The following TMEM178B variants were observed in gnomAD, a reference collection of about 807,000 sequenced individuals.
TMEM178B encodes transmembrane protein 178B.
Under a neutral mutation model 31.0 loss-of-function variants are expected in TMEM178B, and 5 were observed. The observed-to-expected ratio is 0.16, with a 90% CI of 0.08 to 0.34. The LOEUF (loss-of-function observed/expected upper bound fraction) is 0.34, where lower values mean the gene tolerates loss of function less well. TMEM178B is among the 10% of genes least tolerant of loss of function. The pLI is 1.00. For synonymous variants in TMEM178B, 164 were observed against 164.0 expected (o/e 1.00, Z 0.00); for missense variants, 275 against 400.3 (o/e 0.69, Z 2.67).
chr7:141,510,671 G>A, the TMEM178B span, among the ~76,000 whole-genome samples: 1 of 67,114 alleles, frequency 1.5e-5, no homozygotes, highest in East Asian at 4.1e-4. Flanking sequence ...GGCAACAAGA[G>A]TGAAACTCCG....
intron 1 of TMEM178B, among the ~76,000 whole-genome samples, chr7:141,081,257 T>C (rs891785167): frequency 1.3e-5 from 2 of 152,078 alleles, no homozygotes; most frequent in South Asian, 2.1e-4. Context: ...TGTGTGTGTG[T>C]GTGTGTCTTA....
chr7:141,437,236 G>A (rs1199173513), intron 2 of TMEM178B, among the ~76,000 whole-genome samples: 2 of 152,294 alleles, frequency 1.3e-5, no homozygotes, highest in Admixed American at 1.3e-4. Flanking sequence ...CTGTTCTACC[G>A]CTTACTAGCA....
intron 2 of TMEM178B, among the ~76,000 whole-genome samples, chr7:141,256,667 C>G (rs898569559): frequency 3.9e-5 from 6 of 152,040 alleles, no homozygotes; most frequent in Non-Finnish European, 8.8e-5. Context: ...GCTCTGGCCT[C>G]TAGGTGGAGA....
intron 2 of TMEM178B, among the ~76,000 whole-genome samples, chr7:141,424,369 T>A (rs1330484856): frequency 1.3e-5 from 2 of 152,178 alleles, no homozygotes; most frequent in Non-Finnish European, 2.9e-5. Flanking sequence ...AAGGTGAACA[T>A]CTCCACAGTA....
Position 141,202,000 on chromosome 7 carries a change from G to C in TMEM178B, c.383-10591G>C, listed in dbSNP as rs6957811. On this transcript the variant is annotated intron_variant, in intron 1 of 3. Coordinates refer to ENST00000565468, the MANE Select transcript of TMEM178B (RefSeq NM_001195278.2). ...AAGAGTGTGTTAGGTGGATTTGAAT[G>C]CCACCTCTGCCACCTAATAGCTATG... 8.5e-3 allele frequency among the ~76,000 whole-genome samples: 1,299 copies of C among 152,254 alleles called. 27 individuals carry two copies. Among genetic ancestry groups the C allele is most frequent in the African/African-American group, 0.03 (1,241 of 41,544 alleles).
At chr7:141,380,996 C>T (rs994416765) in intron 2 of TMEM178B, among the ~76,000 whole-genome samples, 2 of 152,154 alleles carry the variant, frequency 1.3e-5, no homozygotes, top group Non-Finnish European at 2.9e-5. Flanking sequence ...CACTGTCTCC[C>T]CGTACCCACC....
intron 2 of TMEM178B, among the ~76,000 whole-genome samples, chr7:141,420,800 T>G (rs367854098): frequency 1.3e-5 from 2 of 152,182 alleles, no homozygotes; most frequent in South Asian, 4.1e-4. Context: ...GTATTATTAG[T>G]GTTTAAATAA....
intron 2 of TMEM178B, chr7:141,429,830 A>T (rs1423007753): frequency 6.6e-6 from 1 of 152,248 alleles, no homozygotes; most frequent in Non-Finnish European, 1.5e-5. Context: ...TCTGTCAATT[A>T]AAAAAGTGAA....
chr7:141,442,446 G>A (rs1322510966), intron 3 of TMEM178B, among the ~76,000 whole-genome samples: 1 of 152,146 alleles, frequency 6.6e-6, no homozygotes, highest in Non-Finnish European at 1.5e-5. Flanking sequence ...TGGCCCAATA[G>A]CTTCCAGTTG....
chr7:141,470,344 A>G (rs1802216524), intron 3 of TMEM178B, among the ~76,000 whole-genome samples, 192 bp from the exon 4 acceptor site: 1 of 152,192 alleles, frequency 6.6e-6, no homozygotes, highest in Non-Finnish European at 1.5e-5. Flanking sequence ...TGATCCTTTA[A>G]TACTATTCTC....
chr7:141,367,881 C>G (rs1420603067), intron 2 of TMEM178B, among the ~76,000 whole-genome samples: 1 of 152,016 alleles, frequency 6.6e-6, no homozygotes, highest in Non-Finnish European at 1.5e-5. Flanking sequence ...AATGCAAAGA[C>G]CTTTAGAGCA....
chr7:141,187,077 G>C (rs1796621036), intron 1 of TMEM178B, among the ~76,000 whole-genome samples: 1 of 143,262 alleles, frequency 7.0e-6, no homozygotes, highest in Non-Finnish European at 1.5e-5. Context: ...ATCTCCTAAT[G>C]CTATCCCTCC....
chr7:141,269,292 C>T (rs988929317), intron 2 of TMEM178B, among the ~76,000 whole-genome samples: 20 of 151,916 alleles, frequency 1.3e-4, no homozygotes, highest in Middle Eastern at 3.4e-3. Context: ...GGTTTCACCA[C>T]GCTGGCCAGG....
chr7:141,418,603 C>T (rs1023304187), intron 2 of TMEM178B, among the ~76,000 whole-genome samples: 3 of 152,188 alleles, frequency 2.0e-5, no homozygotes, highest in South Asian at 2.1e-4. Context: ...ACTTTTAGGT[C>T]ATCTGGGTTC....
At chr7:141,239,100 C>T (rs1376788846) in intron 2 of TMEM178B, among the ~76,000 whole-genome samples, 1 of 152,188 alleles carries the variant, frequency 6.6e-6, no homozygotes, top group East Asian at 1.9e-4. Context: ...ACTATCCTGA[C>T]ATCATTGCTG....
At chr7:141,196,615 A>C (rs749994901) in intron 1 of TMEM178B, among the ~76,000 whole-genome samples, 54 of 152,292 alleles carry the variant, frequency 3.5e-4, no homozygotes, top group Non-Finnish European at 3.2e-4. Flanking sequence ...GTTAGGGGAC[A>C]CTTGTTTAAC....
At chr7:141,325,831 A>C (rs1298407379) in intron 2 of TMEM178B, among the ~76,000 whole-genome samples, 1 of 152,194 alleles carries the variant, frequency 6.6e-6, no homozygotes, top group Non-Finnish European at 1.5e-5. Context: ...GGGAAAAAAA[A>C]AAGTCTGATT....
intron 1 of TMEM178B, among the ~76,000 whole-genome samples, chr7:141,076,504 GATGGAATTC>G (rs971088031): frequency 6.6e-6 from 1 of 152,142 alleles, no homozygotes; most frequent in African/African-American, 2.4e-5. Flanking sequence ...GAGAAAGGGG[GATGGAATTC>G]ATGGTTTCTG....
intron 2 of TMEM178B, among the ~76,000 whole-genome samples, chr7:141,351,739 A>G (rs1031737767): frequency 6.6e-6 from 1 of 152,196 alleles, no homozygotes; most frequent in African/African-American, 2.4e-5. Context: ...TTAAAAATTG[A>G]AAAAATGTCC....
Sources: allele counts gnomAD v4.1 joint callset (sites outside exome capture counted in the v4.1 genomes callset), GRCh38; gene constraint gnomAD v4.1.1; transcripts MANE v1.5; gene names NCBI Gene and HGNC (gene_info 2026-07-23, HGNC 2026-07-21).